The following PDE10A variants were observed in gnomAD, a reference collection of about 807,000 sequenced individuals.
The protein encoded by PDE10A is phosphodiesterase 10A, also known as cAMP and cAMP-inhibited cGMP 3',5'-cyclic phosphodiesterase 10A.
A neutral mutation model predicts 97.7 loss-of-function variants in PDE10A; 39 were observed. The ratio of observed to expected loss-of-function variants is 0.40; its 90% CI spans 0.31 to 0.52. The LOEUF is 0.52. PDE10A is among the 20% of genes least tolerant of loss of function. The pLI is 0.56. For synonymous variants in PDE10A, 371 were observed against 376.8 expected (o/e 0.98, Z 0.18); for missense variants, 731 against 1,047.8 (o/e 0.70, Z 4.17).
At chr6:165,864,865 AC>A (rs1304932019) in intron 1 of PDE10A, among the ~76,000 whole-genome samples, 1 of 152,252 alleles carries the variant, frequency 6.6e-6, no homozygotes, top group Non-Finnish European at 1.5e-5. Flanking sequence ...TTTCCCAAAA[AC>A]AAAAAGAAAT....
chr6:165,396,716 C>T (rs1234521248), intron 13 of PDE10A, among the ~76,000 whole-genome samples: 1 of 152,114 alleles, frequency 6.6e-6, no homozygotes, highest in Non-Finnish European at 1.5e-5. Flanking sequence ...GATGAGATTA[C>T]TTGGCATTTG....
intron 1 of PDE10A, among the ~76,000 whole-genome samples, chr6:165,943,433 G>A (rs539378345): frequency 6.6e-6 from 1 of 152,318 alleles, no homozygotes; most frequent in Admixed American, 6.5e-5. Context: ...AATGGCTCAT[G>A]CAATTACGGA....
chr6:165,723,875 G>A (rs1396723112), intron 1 of PDE10A, among the ~76,000 whole-genome samples: 3 of 151,798 alleles, frequency 2.0e-5, no homozygotes, highest in East Asian at 1.9e-4. Flanking sequence ...TTCCCTTGGG[G>A]GTCAGTCTAA....
intron 1 of PDE10A, among the ~76,000 whole-genome samples, chr6:165,808,206 T>A (rs1347970690): frequency 6.6e-6 from 1 of 152,194 alleles, no homozygotes; most frequent in African/African-American, 2.4e-5. Flanking sequence ...CCTGGACAAT[T>A]TGCTGAGGGT....
At chr6:165,727,053 T>C (rs1260654088) in intron 1 of PDE10A, among the ~76,000 whole-genome samples, 3 of 152,134 alleles carry the variant, frequency 2.0e-5, no homozygotes, top group African/African-American at 7.2e-5. Flanking sequence ...TCTCCTGCCC[T>C]GCACCCAGGC....
chr6:165,848,182 AC>A (rs1333663567), intron 1 of PDE10A, among the ~76,000 whole-genome samples: 1 of 152,120 alleles, frequency 6.6e-6, no homozygotes, highest in Non-Finnish European at 1.5e-5. Flanking sequence ...CTTGTTCTTG[AC>A]GCATTCATTC....
intron 1 of PDE10A, among the ~76,000 whole-genome samples, chr6:165,701,719 TTGCGCGTG>T (rs1469843171): frequency 4.7e-5 from 7 of 150,414 alleles, no homozygotes; most frequent in African/African-American, 1.7e-4. Flanking sequence ...ATGTGTGTGT[TTGCGCGTG>T]TGTGCATGTG....
chr6:165,973,585 AT>A (rs752102935), intron 1 of PDE10A, among the ~76,000 whole-genome samples: 7 of 138,844 alleles, frequency 5.0e-5, no homozygotes, highest in South Asian at 4.8e-4. Context: ...AAAAAAAAAA[AT>A]TCTGAAGAAA....
At chr6:165,505,004 G>A (rs1258945083) in intron 2 of PDE10A, among the ~76,000 whole-genome samples, 1 of 152,118 alleles carries the variant, frequency 6.6e-6, no homozygotes, top group South Asian at 2.1e-4. Flanking sequence ...GATTGCTGTC[G>A]CCTGAGCTTC....
chr6:165,923,936 A>C (rs1024940292), intron 1 of PDE10A, among the ~76,000 whole-genome samples: 4 of 152,218 alleles, frequency 2.6e-5, no homozygotes, highest in Non-Finnish European at 5.9e-5. Context: ...ATCCCAACAC[A>C]TTGGGAAACA....
At chr6:165,394,165 C>A (rs1785944072) in intron 15 of PDE10A, among the ~76,000 whole-genome samples, 1 of 151,910 alleles carries the variant, frequency 6.6e-6, no homozygotes, top group Non-Finnish European at 1.5e-5. Flanking sequence ...CTTGCTGCAC[C>A]CATCAACCCT....
At chr6:165,463,762 A>G (rs539098612) in intron 3 of PDE10A, among the ~76,000 whole-genome samples, 11 of 152,356 alleles carry the variant, frequency 7.2e-5, no homozygotes, top group Non-Finnish European at 8.8e-5. Flanking sequence ...GTTCATGGCC[A>G]TAAAGCCCAC....
chr6:165,597,007 G>C (rs1786638120), intron 1 of PDE10A, among the ~76,000 whole-genome samples: 1 of 151,898 alleles, frequency 6.6e-6, no homozygotes, highest in Admixed American at 6.6e-5. Context: ...CCTACTTGGT[G>C]CAGCCTTCCC....
intron 18 of PDE10A, among the ~76,000 whole-genome samples, chr6:165,358,663 C>T (rs978362473): frequency 6.6e-6 from 1 of 151,772 alleles, no homozygotes; most frequent in Non-Finnish European, 1.5e-5. Context: ...GATATTCAGT[C>T]TATGTATATT....
At chr6:165,963,554 C>T (rs559791574) in intron 1 of PDE10A, among the ~76,000 whole-genome samples, 1 of 152,270 alleles carries the variant, frequency 6.6e-6, no homozygotes, top group African/African-American at 2.4e-5. Flanking sequence ...ACATCTACCC[C>T]AGTGGACTGT....
At chr6:165,469,493 T>C (rs778118974) in intron 3 of PDE10A, among the ~76,000 whole-genome samples, 53 of 152,360 alleles carry the variant, frequency 3.5e-4, no homozygotes, top group Non-Finnish European at 4.7e-4. Context: ...CCGTAATTTA[T>C]GCGAAGAATT....
In PDE10A at chr6:165,662,588, G is replaced by C. The variant is rs900090947; in HGVS notation, c.224C>G (p.Pro75Arg). The C allele has an allele frequency of 6.9e-6, 1 of 145,822 alleles. No homozygotes were observed. Among genetic ancestry groups the C allele is most frequent in the South Asian group, 2.1e-4 (1 of 4,788 alleles). 9.0% of individuals were successfully genotyped at this position (145,822 alleles called of 1,614,324 possible). The change falls in exon 1 of 22, where the codon CCC becomes CGC. Residue 75 changes from proline to arginine, a missense_variant. Physicochemically the swap from Pro to Arg is moderately radical, Grantham distance 103. Coordinates refer to ENST00000539869, the MANE Select transcript of PDE10A (RefSeq NM_001385079.1). ...PRPPLSSAGRPSPAGGPGALS... is the reference protein window; with the variant it reads ...PRPPLSSAGRRSPAGGPGALS... ...GGCGCCGGGGCCCCCAGCGGGGCTG[G>C]GGCGGCCTGCGGAGGAGAGGGGCGG...
In PDE10A at chr6:165,794,387, T is replaced by C. The variant is rs569081487; in HGVS notation, c.-615+193142A>G. 4.6e-4 allele frequency among the ~76,000 whole-genome samples: 69 copies of C among 148,858 alleles called. 1 individual carries two copies. Among genetic ancestry groups the C allele is most frequent in the African/African-American group, 1.7e-3 (67 of 40,206 alleles). On this transcript the variant is annotated intron_variant, in intron 1 of 19. Coordinates refer to the PDE10A transcript ENST00000366882. ...CACACACTCATACAATCCCCCACAC[T>C]CACACATGCTCACACTCATCACACA...
At chr6:165,336,508 G>A (rs1371574944) in intron 20 of PDE10A, among the ~76,000 whole-genome samples, 2 of 152,126 alleles carry the variant, frequency 1.3e-5, no homozygotes, top group Admixed American at 1.3e-4. Flanking sequence ...CCAGCACTTT[G>A]GGAGGCCGAG....
Sources: gnomAD v4.1 joint callset for allele counts (sites outside exome capture counted in the v4.1 genomes callset) on GRCh38, gnomAD v4.1.1 for gene constraint, MANE v1.5 for transcripts, NCBI Gene and HGNC (gene_info 2026-07-23, HGNC 2026-07-21) for gene names.